B3GAT2: variants seen among roughly 807,000 people sequenced by gnomAD.
The protein encoded by B3GAT2 is beta-1,3-glucuronyltransferase 2.
In B3GAT2, 26 loss-of-function variants were observed where a neutral mutation model predicts 27.8. The ratio of observed to expected loss-of-function variants is 0.93; its 90% confidence interval spans 0.68 to 1.30. The LOEUF is 1.30. B3GAT2 is among the 50% of genes most tolerant of loss of function. The pLI is 0.00. For missense variants in B3GAT2, 458 were observed against 459.0 expected (o/e 1.00, Z 0.02); for synonymous variants, 218 against 195.1 (o/e 1.12, Z -0.98).
At position 70,888,921 on chromosome 6, in the gene B3GAT2, T is replaced by C. The variant is rs183576648; in HGVS notation, c.736+5207A>G. ...CAGTGGCTGTGGTTTTCTCTTTAAA[T>C]GTAACCCCCAATCATTCCACTTGTA... On this transcript the variant is annotated intron_variant, in intron 2 of 3. Transcript: ENST00000230053. Among the ~76,000 whole-genome samples, 47 of 152,328 alleles carry C rather than the reference T, an allele frequency of 3.1e-4. 1 individual carries two copies. The highest frequency in any genetic ancestry group is 2.4e-3 in the Admixed American group (36 of 15,302).
intron 2 of B3GAT2, among the ~76,000 whole-genome samples, chr6:70,862,563 G>T (rs181986865): frequency 1.1e-3 from 171 of 152,282 alleles, no homozygotes; most frequent in Non-Finnish European, 1.9e-3. Flanking sequence ...AAAAGGGTAT[G>T]TGGGGCAGAA....
At chr6:70,892,629 G>A (rs1261947127) in intron 2 of B3GAT2, among the ~76,000 whole-genome samples, 4 of 152,136 alleles carry the variant, frequency 2.6e-5, no homozygotes, top group Non-Finnish European at 4.4e-5. Flanking sequence ...GGAAAGGAGG[G>A]CTGCACTGGA....
intron 2 of B3GAT2, among the ~76,000 whole-genome samples, chr6:70,872,962 G>T (rs1442668110): frequency 6.6e-6 from 1 of 151,952 alleles, no homozygotes; most frequent in Non-Finnish European, 1.5e-5. Flanking sequence ...CCCCTACACA[G>T]ATCCATTCTT....
intron 1 of B3GAT2, among the ~76,000 whole-genome samples, chr6:70,894,662 G>A (rs945927230): frequency 1.3e-5 from 2 of 152,164 alleles, no homozygotes; most frequent in Non-Finnish European, 2.9e-5. Context: ...CATTACTCAG[G>A]AAGAACAAAA....
chr6:70,879,770 G>A (rs998356782), intron 2 of B3GAT2, among the ~76,000 whole-genome samples: 2 of 152,112 alleles, frequency 1.3e-5, no homozygotes, highest in African/African-American at 4.8e-5. Context: ...GGGAGAGGCA[G>A]GTGGGTTGAG....
rs200085417 is a variant in B3GAT2 at position 70,860,242 on chromosome 6, C to A, written c.*1421G>T. ...TGGCATGAGTATCAGTAGTGCAACCCCTACTGCAGGTTTTGGCCAGCCCTC... is the reference window on the plus strand; with the variant it reads ...TGGCATGAGTATCAGTAGTGCAACCACTACTGCAGGTTTTGGCCAGCCCTC... On this transcript the variant is annotated 3_prime_UTR_variant, in exon 4 of 4. Coordinates refer to ENST00000230053, the MANE Select transcript of B3GAT2 (RefSeq NM_080742.3). 8.4e-5 allele frequency: 135 copies of A among 1,613,418 alleles called. 1 individual carries two copies. The highest frequency in any genetic ancestry group is 8.2e-4 in the Admixed American group (49 of 59,838).
At position 70,859,010 on chromosome 6, in the gene B3GAT2, T is replaced by C. The variant is rs912802123; in HGVS notation, c.*2653A>G. On this transcript the variant is annotated 3_prime_UTR_variant, in exon 4 of 4. Coordinates refer to ENST00000230053, the MANE Select transcript of B3GAT2 (RefSeq NM_080742.3). The stretch of plus-strand genomic sequence containing the variant: ...AGAGAGGTTCATGCTCCCACTCTTC[T>C]TCCTTTTACACTTCCCATTGATGTT... 5.2e-6 allele frequency: 1 copy of C among 192,138 alleles called. No individual in the cohort carries two copies. The highest frequency in any genetic ancestry group is 2.3e-5 in the African/African-American group (1 of 42,748). The allele number at this position is 192,138 out of a possible 1,614,324, so 11.9% of individuals were successfully genotyped here. A position where few individuals can be genotyped will look rare whatever the true frequency, so the allele number is the denominator to read the frequency against.
intron 1 of B3GAT2, among the ~76,000 whole-genome samples, chr6:70,955,195 T>C (rs1765634215): frequency 7.0e-6 from 1 of 142,854 alleles, no homozygotes; most frequent in African/African-American, 2.6e-5. Flanking sequence ...AAAAAAGTAA[T>C]CTTGAGGGTC....
At chr6:70,917,492 G>T (rs1772793288) in intron 1 of B3GAT2, among the ~76,000 whole-genome samples, 1 of 152,002 alleles carries the variant, frequency 6.6e-6, no homozygotes, top group Non-Finnish European at 1.5e-5. Context: ...CAATGTTAGG[G>T]TGTCGATTTT....
intron 1 of B3GAT2, among the ~76,000 whole-genome samples, chr6:70,925,568 C>G (rs1772941544): frequency 1.3e-5 from 2 of 152,234 alleles, no homozygotes; most frequent in Admixed American, 1.3e-4. Context: ...AGTCCGAGAT[C>G]AAACTGCAAG....
At chr6:70,934,740 G>GT (rs1554217175) in intron 1 of B3GAT2, among the ~76,000 whole-genome samples, 2 of 151,962 alleles carry the variant, frequency 1.3e-5, no homozygotes, top group Non-Finnish European at 2.9e-5. Flanking sequence ...ACTTCTTTAC[G>GT]TAAAAAAAAG....
At chr6:70,930,906 T>C (rs1773051184) in intron 1 of B3GAT2, among the ~76,000 whole-genome samples, 1 of 152,174 alleles carries the variant, frequency 6.6e-6, no homozygotes, top group Non-Finnish European at 1.5e-5. Flanking sequence ...GCGGCACTAT[T>C]CACAATAGCA....
chr6:70,952,569 C>A (rs2150053823), intron 1 of B3GAT2, among the ~76,000 whole-genome samples: 1 of 152,242 alleles, frequency 6.6e-6, no homozygotes, highest in South Asian at 2.1e-4. Context: ...TGCAAGTAAG[C>A]TTTTCCAGAG....
chr6:70,927,345 A>G (rs1048725348), intron 1 of B3GAT2, among the ~76,000 whole-genome samples: 5 of 152,222 alleles, frequency 3.3e-5, no homozygotes, highest in South Asian at 2.1e-4. Flanking sequence ...TTCAATGTAA[A>G]TGGGCTAAAA....
intron 2 of B3GAT2, among the ~76,000 whole-genome samples, chr6:70,881,798 G>A (rs954708083): frequency 1.3e-5 from 2 of 152,138 alleles, no homozygotes; most frequent in African/African-American, 4.8e-5. Context: ...GTGTCCAGGG[G>A]CTCCCATGAG....
chr6:70,952,469 AT>A (rs1289459585), intron 1 of B3GAT2, among the ~76,000 whole-genome samples: 1 of 152,134 alleles, frequency 6.6e-6, no homozygotes, highest in Non-Finnish European at 1.5e-5. Context: ...AAAAACAGAA[AT>A]CTGATCAATA....
chr6:70,943,008 T>TA (rs1765418753), intron 1 of B3GAT2, among the ~76,000 whole-genome samples: 2 of 152,160 alleles, frequency 1.3e-5, no homozygotes. Flanking sequence ...GTAACATAAA[T>TA]AGTGTTTAAA....
chr6:70,890,138 C>T (rs917667406), intron 2 of B3GAT2, among the ~76,000 whole-genome samples: 18 of 152,138 alleles, frequency 1.2e-4, no homozygotes, highest in Non-Finnish European at 2.2e-4. Flanking sequence ...CCCATACTCA[C>T]CAAGGGTCCT....
At chr6:70,939,908 T>TAA (rs768819789) in intron 1 of B3GAT2, among the ~76,000 whole-genome samples, 14 of 151,626 alleles carry the variant, frequency 9.2e-5, no homozygotes, top group African/African-American at 3.1e-4. Context: ...AATAAAATAA[T>TAA]AAAAAAAATA....
Sources: gnomAD v4.1 joint callset for allele counts (sites outside exome capture counted in the v4.1 genomes callset) on GRCh38, gnomAD v4.1.1 for gene constraint, MANE v1.5 for transcripts, NCBI Gene and HGNC (gene_info 2026-07-23, HGNC 2026-07-21) for gene names.